Variants in CFH observed in about 807,000 individuals in gnomAD.
CFH encodes the protein H factor 1 (complement).
In CFH, 53 loss-of-function variants were observed where a neutral mutation model predicts 147.3. The observed-to-expected ratio is 0.36, with a 90% CI of 0.29 to 0.45. The LOEUF is 0.45. CFH is among the 20% of genes least tolerant of loss of function. The pLI is 1.00. For synonymous variants in CFH, 536 were observed against 489.4 expected (o/e 1.10, Z -1.26); for missense variants, 1,380 against 1,498.0 (o/e 0.92, Z 1.30).
At chr1:196,741,790 T>C in intron 18 of CFH, 85 bp from the exon 19 acceptor site, 2 of 1,233,198 alleles carry the variant, frequency 1.6e-6, no homozygotes, top group Non-Finnish European at 2.4e-6. Flanking sequence ...ATTCTATATA[T>C]CGCTATTTTA....
intron 1 of CFH, among the ~76,000 whole-genome samples, chr1:196,662,606 G>T (rs1289482143): frequency 6.6e-6 from 1 of 152,026 alleles, no homozygotes; most frequent in Non-Finnish European, 1.5e-5. Context: ...ATCAGCCCGG[G>T]CACGGTGGCT....
At chr1:196,655,076 A>C (rs965977159) in intron 1 of CFH, among the ~76,000 whole-genome samples, 3 of 151,954 alleles carry the variant, frequency 2.0e-5, no homozygotes, top group African/African-American at 7.3e-5. Context: ...TGTCATTTAC[A>C]TGGAATGACA....
chr1:196,728,227 T>G, intron 14 of CFH, 119 bp from the exon 15 acceptor site: 1 of 742,416 alleles, frequency 1.3e-6, no homozygotes, highest in Non-Finnish European at 2.0e-6. Context: ...TGGTGAAATT[T>G]ATAATGATTA....
intron 21 of CFH, 39 bp downstream of exon 21, chr1:196,746,038 G>A (rs1160114130): frequency 1.2e-6 from 2 of 1,613,980 alleles, no homozygotes; most frequent in Middle Eastern, 1.7e-4. Flanking sequence ...AAAAATCTCT[G>A]TGATGAGTCT....
chr1:196,709,708 G>T (rs1668679403), intron 9 of CFH, among the ~76,000 whole-genome samples: 1 of 151,956 alleles, frequency 6.6e-6, no homozygotes, highest in African/African-American at 2.4e-5. Flanking sequence ...AAGACATTTT[G>T]GTCCTTTTCC....
At chr1:196,720,421 C>A (rs1668971818) in intron 11 of CFH, among the ~76,000 whole-genome samples, 1 of 151,844 alleles carries the variant, frequency 6.6e-6, no homozygotes, top group Non-Finnish European at 1.5e-5. Flanking sequence ...ATTTCTTATT[C>A]CTCACCCTCC....
At chr1:196,671,122 TG>T (rs1667262742) in intron 1 of CFH, among the ~76,000 whole-genome samples, 1 of 152,178 alleles carries the variant, frequency 6.6e-6, no homozygotes, top group South Asian at 2.1e-4. Context: ...TTCTGATTTT[TG>T]ATCCAATTTT....
At chr1:196,723,703 C>T (rs1340612978) in intron 11 of CFH, among the ~76,000 whole-genome samples, 4 of 152,022 alleles carry the variant, frequency 2.6e-5, no homozygotes, top group Non-Finnish European at 4.4e-5. Flanking sequence ...ACTAAGCTCA[C>T]CCTTGGATGC....
At chr1:196,679,536 C>A in intron 5 of CFH, 87 bp from the exon 6 acceptor site, 1 of 1,041,796 alleles carries the variant, frequency 9.6e-7, no homozygotes, top group Non-Finnish European at 1.5e-6. Flanking sequence ...CTGATGGAAA[C>A]AACATTTCTG....
chr1:196,668,100 GT>G (rs1269945727), intron 1 of CFH, among the ~76,000 whole-genome samples: 10 of 151,988 alleles, frequency 6.6e-5, no homozygotes, highest in Admixed American at 6.6e-4. Context: ...ATAGCATAGG[GT>G]TTATCATGTT....
intron 6 of CFH, among the ~76,000 whole-genome samples, chr1:196,680,567 C>A (rs1667614530): frequency 1.3e-5 from 2 of 151,762 alleles, no homozygotes; most frequent in South Asian, 4.2e-4. Flanking sequence ...GTGGTGATAA[C>A]AGTTTTGAGA....
At chr1:196,737,779 A>G in intron 17 of CFH, 119 bp downstream of exon 17, 1 of 701,558 alleles carries the variant, frequency 1.4e-6, no homozygotes, top group Non-Finnish European at 2.3e-6. Flanking sequence ...TTTATATATT[A>G]TACCATTAAA....
At chr1:196,686,504 T>A (rs1270567683) in intron 7 of CFH, among the ~76,000 whole-genome samples, 1 of 152,126 alleles carries the variant, frequency 6.6e-6, no homozygotes, top group African/African-American at 2.4e-5. Context: ...TACAATCAAA[T>A]TTCTTTTCTT....
At chr1:196,740,940 T>A in intron 18 of CFH, 148 bp downstream of exon 18, 1 of 804,764 alleles carries the variant, frequency 1.2e-6, no homozygotes, top group Non-Finnish European at 2.0e-6. Context: ...ATAGCTGTAG[T>A]AATTAAAACA....
At chr1:196,739,093 C>T (rs1185191200) in intron 17 of CFH, among the ~76,000 whole-genome samples, 3 of 152,226 alleles carry the variant, frequency 2.0e-5, no homozygotes, top group Non-Finnish European at 4.4e-5. Flanking sequence ...ACAGCTGGAG[C>T]TGAAGCAGCT....
In CFH at chr1:196,726,543, T is replaced by C. The variant is rs771797800; in HGVS notation, c.1947T>C (p.Tyr649=). The change falls in exon 13 of 22, where the codon TAT becomes TAC. Residue 649 remains tyrosine (Y), a synonymous_variant. Coordinates refer to ENST00000367429, the MANE Select transcript of CFH (RefSeq NM_000186.4). The part of the protein sequence containing the change: ...GNVKEKTKEE[Y]GHSEVVEYYC... The stretch of plus-strand genomic sequence containing the variant: ...TTAAGGAAAAAACGAAAGAAGAATA[T>C]GGACACAGTGAAGTGGTGGAATATT... The C allele has an allele frequency of 5.0e-6, 8 of 1,612,792 alleles. No homozygotes were observed. In the African/African-American group the frequency reaches 9.3e-5, roughly 19 times the overall value.
chr1:196,677,724 A>G, intron 5 of CFH, 57 bp downstream of exon 5: 1 of 1,470,220 alleles, frequency 6.8e-7, no homozygotes, highest in Non-Finnish European at 9.5e-7. Flanking sequence ...ATATACATTT[A>G]AAACATCGTT....
intron 9 of CFH, among the ~76,000 whole-genome samples, chr1:196,711,102 T>C (rs893136750): frequency 6.6e-6 from 1 of 152,154 alleles, no homozygotes; most frequent in Non-Finnish European, 1.5e-5. Flanking sequence ...TGTCTAAAGG[T>C]TTCTCAATTA....
At chr1:196,722,025 C>T (rs1669012819) in intron 11 of CFH, among the ~76,000 whole-genome samples, 1 of 151,992 alleles carries the variant, frequency 6.6e-6, no homozygotes, top group South Asian at 2.1e-4. Flanking sequence ...TTAAGTGGAA[C>T]ATTTAATCTA....
Sources: gnomAD v4.1 joint callset for allele counts (sites outside exome capture counted in the v4.1 genomes callset) on GRCh38, gnomAD v4.1.1 for gene constraint, MANE v1.5 for transcripts, NCBI Gene and HGNC (gene_info 2026-07-23, HGNC 2026-07-21) for gene names.